The following CSGALNACT1 variants were observed in gnomAD, a reference collection of about 807,000 sequenced individuals.
CSGALNACT1 encodes beta4GalNAcT-1.
A neutral mutation model predicts 51.0 loss-of-function variants in CSGALNACT1; 52 were observed. That is an observed-to-expected ratio of 1.02 (90% CI 0.82 to 1.29). CSGALNACT1 has a LOEUF of 1.29. CSGALNACT1 is among the 50% of genes most tolerant of loss of function. The probability of loss-of-function intolerance (pLI) is 0.00; values close to 1 mark genes in which losing one functional copy is unlikely to be tolerated. For missense variants in CSGALNACT1, 935 were observed against 679.2 expected (o/e 1.38, Z -4.19); for synonymous variants, 341 against 254.4 (o/e 1.34, Z -3.24).
intron 1 of CSGALNACT1, among the ~76,000 whole-genome samples, chr8:19,657,168 A>G (rs1201966995): frequency 6.6e-6 from 1 of 152,070 alleles, no homozygotes; most frequent in Non-Finnish European, 1.5e-5. Context: ...TGAAGAGACA[A>G]TTTGTGCACT....
At chr8:19,416,457 A>G (rs1377909000) in intron 8 of CSGALNACT1, among the ~76,000 whole-genome samples, 1 of 152,156 alleles carries the variant, frequency 6.6e-6, no homozygotes, top group Non-Finnish European at 1.5e-5. Flanking sequence ...CTAAGTCTAC[A>G]GTGGTTATAA....
At chr8:19,656,102 TTCACTTCAG>T (rs1320417913) in intron 1 of CSGALNACT1, among the ~76,000 whole-genome samples, 1 of 152,176 alleles carries the variant, frequency 6.6e-6, no homozygotes, top group African/African-American at 2.4e-5. Context: ...GGGAACTCCA[TTCACTTCAG>T]TCATCATGGA....
At chr8:19,573,630 T>A (rs1588534920) in intron 3 of CSGALNACT1, among the ~76,000 whole-genome samples, 1 of 152,116 alleles carries the variant, frequency 6.6e-6, no homozygotes, top group Non-Finnish European at 1.5e-5. Flanking sequence ...TTTTAGTAGA[T>A]ACAGGGTTTC....
exon 1 of CSGALNACT1, chr8:19,682,556 T>A (rs998976948): frequency 4.5e-6 from 2 of 446,210 alleles, no homozygotes; most frequent in African/African-American, 4.0e-5. Context: ...CTGTCAGTAC[T>A]CTACTCCCAG....
At chr8:19,460,325 TTC>T (rs2065082946) in intron 4 of CSGALNACT1, among the ~76,000 whole-genome samples, 2 of 152,228 alleles carry the variant, frequency 1.3e-5, no homozygotes, top group Non-Finnish European at 2.9e-5. Context: ...GTTATGATTA[TTC>T]TCTTTTGTTA....
chr8:19,555,948 T>C (rs1340116662), intron 3 of CSGALNACT1, among the ~76,000 whole-genome samples: 3 of 152,190 alleles, frequency 2.0e-5, no homozygotes, highest in Non-Finnish European at 4.4e-5. Context: ...ATTTGGCTTC[T>C]CGAGTCCCAT....
At chr8:19,625,326 C>T (rs1006462719) in intron 1 of CSGALNACT1, among the ~76,000 whole-genome samples, 8 of 152,222 alleles carry the variant, frequency 5.3e-5, no homozygotes, top group Admixed American at 1.3e-4. Flanking sequence ...CTACAAACTT[C>T]ATACATGCTG....
intron 1 of CSGALNACT1, among the ~76,000 whole-genome samples, chr8:19,611,955 G>C (rs761831277): frequency 2.6e-5 from 4 of 151,900 alleles, no homozygotes; most frequent in Non-Finnish European, 5.9e-5. Context: ...TTAAGGATTT[G>C]AACTAATTGA....
In CSGALNACT1 at chr8:19,534,155, T is replaced by C. The variant is rs191014522; in HGVS notation, c.-296-28025A>G. Among the ~76,000 whole-genome samples, 271 of 152,268 alleles carry C rather than the reference T, an allele frequency of 1.8e-3. 1 individual carries two copies. Among genetic ancestry groups the C allele is most frequent in the African/African-American group, 6.4e-3 (264 of 41,556 alleles). On this transcript the variant is annotated intron_variant, in intron 3 of 9. Transcript: ENST00000454498. ...AGCAAGTTCATAGTTCAATGTAATATTAAGTTGCATATGAGGCCGGGTGTG... is the reference window on the plus strand; with the variant it reads ...AGCAAGTTCATAGTTCAATGTAATACTAAGTTGCATATGAGGCCGGGTGTG...
At chr8:19,487,361 T>C (rs1435659450) in intron 4 of CSGALNACT1, among the ~76,000 whole-genome samples, 1 of 152,168 alleles carries the variant, frequency 6.6e-6, no homozygotes, top group Non-Finnish European at 1.5e-5. Context: ...TCATGCTTAG[T>C]CAAACCAACC....
chr8:19,459,396 A>G (rs1017476500), intron 4 of CSGALNACT1, among the ~76,000 whole-genome samples: 1 of 151,194 alleles, frequency 6.6e-6, no homozygotes, highest in African/African-American at 2.4e-5. Context: ...AAAAAAAAAA[A>G]AAAAAAAAAA....
At chr8:19,540,695 G>A (rs552201479) in intron 3 of CSGALNACT1, among the ~76,000 whole-genome samples, 3 of 152,306 alleles carry the variant, frequency 2.0e-5, no homozygotes, top group African/African-American at 7.2e-5. Context: ...CAGCCACAGT[G>A]CTATATGCTG....
At chr8:19,656,611 CA>C (rs2058305330) in intron 1 of CSGALNACT1, among the ~76,000 whole-genome samples, 1 of 139,464 alleles carries the variant, frequency 7.2e-6, no homozygotes, top group Non-Finnish European at 1.6e-5. Context: ...CACACACACA[CA>C]CGAGATCAGC....
intron 1 of CSGALNACT1, among the ~76,000 whole-genome samples, chr8:19,701,687 T>C (rs1297019011): frequency 6.6e-6 from 1 of 152,178 alleles, no homozygotes; most frequent in African/African-American, 2.4e-5. Context: ...ACAAGGATAA[T>C]GATGATGACA....
upstream of CSGALNACT1, among the ~76,000 whole-genome samples, chr8:19,687,103 G>C (rs1215612128): frequency 6.6e-6 from 1 of 152,038 alleles, no homozygotes; most frequent in Non-Finnish European, 1.5e-5. Flanking sequence ...GGGCTTGTTT[G>C]CATTAAGAAC....
intron 4 of CSGALNACT1, among the ~76,000 whole-genome samples, chr8:19,491,228 A>C (rs1375228004): frequency 2.6e-5 from 4 of 152,182 alleles, no homozygotes; most frequent in Non-Finnish European, 4.4e-5. Context: ...TGAATAAATG[A>C]TTTTTGTTTA....
At chr8:19,572,670 G>C (rs1351041075) in intron 3 of CSGALNACT1, among the ~76,000 whole-genome samples, 1 of 152,256 alleles carries the variant, frequency 6.6e-6, no homozygotes, top group Admixed American at 6.5e-5. Flanking sequence ...CCTTTGGTTG[G>C]ATAATGTTGC....
intron 3 of CSGALNACT1, among the ~76,000 whole-genome samples, chr8:19,545,120 G>C (rs1476795969): frequency 6.6e-6 from 1 of 152,016 alleles, no homozygotes; most frequent in Non-Finnish European, 1.5e-5. Flanking sequence ...CTGGAAGCTA[G>C]AAAATATATT....
At position 19,458,602 on chromosome 8, in the gene CSGALNACT1, C is replaced by T. The variant is rs147686256; in HGVS notation, c.675G>A (p.Glu225=). 25 of 1,614,122 alleles carry T rather than the reference C, an allele frequency of 1.5e-5. No individual in the cohort carries two copies. Among genetic ancestry groups the T allele is most frequent in the Non-Finnish European group, 2.1e-5 (25 of 1,180,036 alleles). ...GTTTGTGGTCCCCTTTGAAGGTGAG[C>T]TCATACAATGTCCCTTTGTCCCTTT... Residue 225 remains glutamate, a synonymous_variant, in exon 5 of 10, where the codon GAG becomes GAA. Transcript: ENST00000454498.
Sources: allele counts gnomAD v4.1 joint callset (sites outside exome capture counted in the v4.1 genomes callset), GRCh38; gene constraint gnomAD v4.1.1; transcripts MANE v1.5; gene names NCBI Gene and HGNC (gene_info 2026-07-23, HGNC 2026-07-21).